Variants in FGD5 observed in about 807,000 individuals in gnomAD.
FGD5 encodes the protein FYVE, RhoGEF and PH domain containing 5.
In FGD5, 28 loss-of-function variants were observed where a neutral mutation model predicts 133.4. The ratio of observed to expected loss-of-function variants is 0.21; its 90% CI spans 0.16 to 0.29. The LOEUF is 0.29. Ranked by LOEUF, FGD5 falls within the 10% of genes least tolerant of loss-of-function variation. The probability of loss-of-function intolerance (pLI) is 1.00; values close to 1 mark genes in which losing one functional copy is unlikely to be tolerated. For missense variants in FGD5, 1,858 were observed against 1,895.2 expected (o/e 0.98, Z 0.36); for synonymous variants, 810 against 776.5 (o/e 1.04, Z -0.72).
At chr3:14,901,595 A>C (rs1036390860) in intron 9 of FGD5, among the ~76,000 whole-genome samples, 16 of 152,172 alleles carry the variant, frequency 1.1e-4, no homozygotes, top group African/African-American at 3.6e-4. Context: ...TGTCCTGCTA[A>C]GCTGTAGGCA....
chr3:14,840,666 C>A (rs1019337464), intron 1 of FGD5, among the ~76,000 whole-genome samples: 1 of 152,196 alleles, frequency 6.6e-6, no homozygotes, highest in African/African-American at 2.4e-5. Context: ...TTCTGCTACT[C>A]TAAAAATGGC....
At chr3:14,832,359 A>T (rs1283518555) in intron 1 of FGD5, among the ~76,000 whole-genome samples, 1 of 152,102 alleles carries the variant, frequency 6.6e-6, no homozygotes, top group African/African-American at 2.4e-5. Flanking sequence ...ACCCTGAGAC[A>T]TAGATGCTGT....
intron 1 of FGD5, 78 bp from the exon 2 acceptor site, chr3:14,864,050 G>A: frequency 6.4e-7 from 1 of 1,564,760 alleles, no homozygotes; most frequent in Middle Eastern, 1.7e-4. Flanking sequence ...CCCATGGCAT[G>A]AATGGGACCC....
chr3:14,877,946 C>G (rs2037751491), intron 2 of FGD5, among the ~76,000 whole-genome samples: 1 of 152,202 alleles, frequency 6.6e-6, no homozygotes, highest in Admixed American at 6.5e-5. Context: ...AGAACAGCTT[C>G]TACAGCAAAA....
chr3:14,922,278 C>A lies in FGD5; in HGVS notation c.3670-133C>A, dbSNP rs2038698664. ...AGCATCCTGGAGGGTGCAGGAGAGG[C>A]CTTTCACATCAGACCCACTCACCCA... On this transcript the variant is annotated intron_variant, in intron 14 of 19. Transcript: ENST00000285046. This position sits in a 1 kb window ranked among gnomAD's most constrained non-coding sequence, Gnocchi z 4.1. The A allele has an allele frequency of 7.7e-7, 1 of 1,298,768 alleles. No individual in the cohort carries two copies. The highest frequency in any genetic ancestry group is 2.1e-5 in the Admixed American group (1 of 47,922). The allele number at this position is 1,298,768 out of a possible 1,614,324, so 80.5% of individuals were successfully genotyped here.
At chr3:14,845,522 G>T (rs1389301) in intron 1 of FGD5, among the ~76,000 whole-genome samples, 1 of 152,014 alleles carries the variant, frequency 6.6e-6, no homozygotes, top group Non-Finnish European at 1.5e-5. Context: ...ACTCTGAAAC[G>T]TTAAGAAGTT....
chr3:14,819,782 G>A lies in FGD5; in HGVS notation c.711G>A (p.Arg237=), dbSNP rs200283266. ...CAGATGAGGGTTCGGGTCCTGACAG[G>A]CCCACGGAGGACATGGGACAGGATG... The part of the protein sequence containing the change: ...AGADEGSGPD[R]PTEDMGQDAE... Residue 237 remains arginine, a synonymous_variant, in exon 1 of 20, where the codon AGG becomes AGA. Coordinates refer to ENST00000285046, the MANE Select transcript of FGD5 (RefSeq NM_152536.4). The surrounding 1 kb of genome is among the most constrained non-coding windows in gnomAD (Gnocchi z 4.1). 1.9e-4 allele frequency: 293 copies of A among 1,559,272 alleles called. No individual in the cohort carries two copies. Among genetic ancestry groups the A allele is most frequent in the Non-Finnish European group, 2.3e-4 (261 of 1,151,904 alleles).
chr3:14,835,135 C>T (rs1005174430), intron 1 of FGD5, among the ~76,000 whole-genome samples: 3 of 152,192 alleles, frequency 2.0e-5, no homozygotes, highest in African/African-American at 7.2e-5. Flanking sequence ...TAGGAAATGG[C>T]GAGCCACTCT....
Position 14,820,542 on chromosome 3 carries a change from G to A in FGD5, c.1471G>A (p.Gly491Ser), listed in dbSNP as rs777253442. Residue 491 changes from glycine to serine, a missense_variant, in exon 1 of 20, where the codon GGC becomes AGC. By Grantham distance (56) the Gly-to-Ser change is moderately conservative. Around this residue, in one of 3 missense-constraint regions of FGD5, gnomAD observed 1,824 missense variants for 1,848.9 expected, o/e 0.99. Coordinates refer to ENST00000285046, the MANE Select transcript of FGD5 (RefSeq NM_152536.4). The part of the protein sequence containing the change: ...RVRPHSGKVA[G>S]YVPETVPEET... ...CCGGCCCCACTCTGGGAAGGTGGCC[G>A]GCTATGTCCCAGAAACCGTCCCTGA... The A allele has an allele frequency of 5.0e-5, 80 of 1,613,490 alleles. 2 individuals are homozygous for A. The highest frequency in any genetic ancestry group is 4.5e-4 in the South Asian group (41 of 91,060).
At chr3:14,907,807 G>A (rs2038368406) in intron 10 of FGD5, 96 bp downstream of exon 10, 1 of 1,277,296 alleles carries the variant, frequency 7.8e-7, no homozygotes. Flanking sequence ...AGGCCTGGCT[G>A]CAGGTGCTGT....
intron 1 of FGD5, among the ~76,000 whole-genome samples, chr3:14,845,675 T>G (rs1826215): frequency 0.5 from 75,693 of 151,976 alleles, 19,195 homozygotes; most frequent in African/African-American, 0.55. Context: ...AGGTGAACTT[T>G]GCATCAGAAA....
intron 2 of FGD5, among the ~76,000 whole-genome samples, chr3:14,865,335 C>T (rs2037474875): frequency 6.6e-6 from 1 of 152,234 alleles, no homozygotes; most frequent in Non-Finnish European, 1.5e-5. Context: ...GTGCCTGACA[C>T]TTACCAAGCA....
intron 11 of FGD5, among the ~76,000 whole-genome samples, chr3:14,911,490 T>G (rs1261662803): frequency 1.3e-5 from 2 of 151,986 alleles, no homozygotes; most frequent in African/African-American, 4.8e-5. Flanking sequence ...TGGGCACAGT[T>G]TTTCTCTTGC....
chr3:14,927,713 C>T (rs1446625001), intron 18 of FGD5, among the ~76,000 whole-genome samples: 1 of 152,024 alleles, frequency 6.6e-6, no homozygotes, highest in Non-Finnish European at 1.5e-5. Context: ...TAGTAACAGT[C>T]CTGGGAAAAA....
At chr3:14,835,506 AAAAAG>A (rs374249131) in intron 1 of FGD5, among the ~76,000 whole-genome samples, 86 of 151,908 alleles carry the variant, frequency 5.7e-4, no homozygotes, top group African/African-American at 1.6e-3. Flanking sequence ...TCTCAAAAAA[AAAAAG>A]AAAAGAAAAG....
At chr3:14,911,275 G>A (rs190978724) in intron 11 of FGD5, among the ~76,000 whole-genome samples, 15 of 152,308 alleles carry the variant, frequency 9.8e-5, no homozygotes, top group Non-Finnish European at 1.9e-4. Context: ...AGAAGTCCAG[G>A]AGGAGCCAAG....
intron 18 of FGD5, among the ~76,000 whole-genome samples, chr3:14,928,796 T>C (rs1444253032): frequency 1.3e-5 from 2 of 152,232 alleles, no homozygotes; most frequent in Non-Finnish European, 2.9e-5. Flanking sequence ...ATTAACTGGA[T>C]TGTACAATTA....
intron 13 of FGD5, chr3:14,920,323 C>G (rs2038649680): frequency 6.6e-6 from 1 of 152,102 alleles, no homozygotes; most frequent in African/African-American, 2.4e-5. Flanking sequence ...TCTAAATGCA[C>G]TCATGCACAT....
intron 2 of FGD5, among the ~76,000 whole-genome samples, chr3:14,877,122 C>T (rs1213919175): frequency 6.6e-6 from 1 of 152,254 alleles, no homozygotes; most frequent in Non-Finnish European, 1.5e-5. Flanking sequence ...GCCCTGTTCC[C>T]AGAAGCCTGT....
Sources: allele counts gnomAD v4.1 joint callset (sites outside exome capture counted in the v4.1 genomes callset), GRCh38; gene constraint gnomAD v4.1.1; regional missense constraint gnomAD v4.1.1; non-coding constraint Gnocchi (gnomAD v3.1); transcripts MANE v1.5; gene names NCBI Gene and HGNC (gene_info 2026-07-23, HGNC 2026-07-21).